Variants in EPM2A observed in about 807,000 individuals in gnomAD.
EPM2A encodes laforin.
Under a neutral mutation model 26.5 loss-of-function variants are expected in EPM2A, and 21 were observed. The ratio of observed to expected loss-of-function variants is 0.79; its 90% CI spans 0.56 to 1.14. The LOEUF (loss-of-function observed/expected upper bound fraction) is 1.14, where lower values mean the gene tolerates loss of function less well. Among genes scored for constraint, EPM2A ranks in the 50% most tolerant of loss-of-function variants. The probability of loss-of-function intolerance (pLI) is 0.00; values close to 1 mark genes in which losing one functional copy is unlikely to be tolerated. For synonymous variants in EPM2A, 217 were observed against 177.6 expected (o/e 1.22, Z -1.76); for missense variants, 458 against 440.8 (o/e 1.04, Z -0.35).
intron 4 of EPM2A, among the ~76,000 whole-genome samples, chr6:145,458,484 A>C (rs1015139217): frequency 4.6e-5 from 7 of 152,148 alleles, no homozygotes; most frequent in African/African-American, 1.7e-4. Context: ...TGATGAATTT[A>C]TCTCTCGAGG....
At chr6:145,615,515 G>T (rs748070555) in intron 2 of EPM2A, among the ~76,000 whole-genome samples, 2 of 152,010 alleles carry the variant, frequency 1.3e-5, no homozygotes, top group Non-Finnish European at 2.9e-5. Flanking sequence ...CGGTAGAGTG[G>T]GGTGCTGCTG....
At chr6:145,444,485 C>T (rs1434204946) in intron 4 of EPM2A, among the ~76,000 whole-genome samples, 2 of 152,166 alleles carry the variant, frequency 1.3e-5, no homozygotes, top group African/African-American at 4.8e-5. Context: ...ACTCAGTTTG[C>T]TAATATTTTG....
chr6:145,498,646 A>G (rs910971446), downstream of EPM2A, among the ~76,000 whole-genome samples: 1 of 152,140 alleles, frequency 6.6e-6, no homozygotes, highest in African/African-American at 2.4e-5. Flanking sequence ...TCACGCCTGC[A>G]TGGGCTGTCA....
chr6:145,522,164 G>C (rs1259141129), intron 2 of EPM2A, among the ~76,000 whole-genome samples: 1 of 152,092 alleles, frequency 6.6e-6, no homozygotes. Context: ...ATGTTAGCCA[G>C]GATGGTCTCG....
intron 4 of EPM2A, among the ~76,000 whole-genome samples, chr6:145,388,817 T>A (rs1218556114): frequency 6.6e-6 from 1 of 152,168 alleles, no homozygotes; most frequent in African/African-American, 2.4e-5. Context: ...TCCAGCTTCA[T>A]CCATGTCCCT....
chr6:145,431,898 A>T (rs1460702753), intron 4 of EPM2A, among the ~76,000 whole-genome samples: 2 of 152,184 alleles, frequency 1.3e-5, no homozygotes, highest in Non-Finnish European at 2.9e-5. Flanking sequence ...TGCCTAATCA[A>T]CTAAGATTAT....
intron 1 of EPM2A, among the ~76,000 whole-genome samples, chr6:145,691,333 T>C (rs1781267975): frequency 6.6e-6 from 1 of 152,116 alleles, no homozygotes; most frequent in African/African-American, 2.4e-5. Context: ...AAAGGAAGTG[T>C]CATTTTTCAA....
At chr6:145,613,025 T>C (rs1775426456) in intron 2 of EPM2A, among the ~76,000 whole-genome samples, 1 of 152,132 alleles carries the variant, frequency 6.6e-6, no homozygotes, top group South Asian at 2.1e-4. Flanking sequence ...CTTTGTAGCA[T>C]GTGATGCTGT....
At chr6:145,696,692 GA>G (rs1467932914) in intron 1 of EPM2A, among the ~76,000 whole-genome samples, 1 of 151,812 alleles carries the variant, frequency 6.6e-6, no homozygotes, top group Non-Finnish European at 1.5e-5. Flanking sequence ...AAGGAAGTTA[GA>G]ATTTGGAGGA....
chr6:145,712,832 T>C (rs1225003046), intron 1 of EPM2A, among the ~76,000 whole-genome samples: 2 of 152,204 alleles, frequency 1.3e-5, no homozygotes, highest in South Asian at 2.1e-4. Context: ...CACCTTACTG[T>C]CCTGATTTGG....
chr6:145,675,641 CA>C (rs1416888152), intron 2 of EPM2A, among the ~76,000 whole-genome samples: 3 of 152,218 alleles, frequency 2.0e-5, no homozygotes, highest in Non-Finnish European at 2.9e-5. Context: ...CAATCCTAGT[CA>C]CCAATAAAAC....
intron 2 of EPM2A, among the ~76,000 whole-genome samples, chr6:145,564,727 C>T (rs1766859798): frequency 7.3e-6 from 1 of 136,784 alleles, no homozygotes; most frequent in Non-Finnish European, 1.5e-5. Context: ...AACTCACATG[C>T]AGATATGTAT....
At chr6:145,457,551 C>T (rs1291045924) in intron 4 of EPM2A, among the ~76,000 whole-genome samples, 2 of 151,732 alleles carry the variant, frequency 1.3e-5, no homozygotes, top group East Asian at 3.9e-4. Context: ...TGAAAAACTG[C>T]TACCAGTGCA....
intron 1 of EPM2A, among the ~76,000 whole-genome samples, chr6:145,726,384 A>G (rs763572153): frequency 1.3e-5 from 2 of 152,150 alleles, no homozygotes; most frequent in South Asian, 4.1e-4. Flanking sequence ...ATTCCAGAAA[A>G]TTAATGTAGA....
Position 145,462,418 on chromosome 6 carries a change from A to T in EPM2A, c.555+40104T>A, listed in dbSNP as rs1779337996. 2.6e-5 allele frequency among the ~76,000 whole-genome samples: 4 copies of T among 152,344 alleles called. No individual in the cohort carries two copies. In the South Asian group the frequency reaches 8.3e-4, roughly 32 times the overall value. On this transcript the variant is annotated intron_variant, in intron 4 of 4. Transcript: ENST00000638717. The stretch of plus-strand genomic sequence containing the variant: ...AATACATTGTATACAAATTTATTAC[A>T]TAAGTATATTTTTCCACAGGGAATA...
intron 2 of EPM2A, among the ~76,000 whole-genome samples, chr6:145,643,814 T>C (rs2128571155): frequency 6.6e-6 from 1 of 151,222 alleles, no homozygotes; most frequent in Middle Eastern, 3.4e-3. Flanking sequence ...TTCCATTAAA[T>C]ACTTTGAGCA....
intron 2 of EPM2A, among the ~76,000 whole-genome samples, chr6:145,680,834 T>C (rs1780471810): frequency 6.6e-6 from 1 of 152,152 alleles, no homozygotes; most frequent in Non-Finnish European, 1.5e-5. Flanking sequence ...CTATTGTGAA[T>C]AGTGCCGCTA....
chr6:145,532,095 A>T (rs1780365037), intron 2 of EPM2A, among the ~76,000 whole-genome samples: 1 of 152,146 alleles, frequency 6.6e-6, no homozygotes, highest in Non-Finnish European at 1.5e-5. Flanking sequence ...TATACTCATG[A>T]TTGTCTTATG....
At chr6:145,652,906 G>GT (rs551189453) in intron 2 of EPM2A, among the ~76,000 whole-genome samples, 23 of 152,126 alleles carry the variant, frequency 1.5e-4, no homozygotes, top group African/African-American at 5.5e-4. Context: ...CTACCTCTTT[G>GT]CATGTTAATT....
Sources: allele counts gnomAD v4.1 joint callset (sites outside exome capture counted in the v4.1 genomes callset), GRCh38; gene constraint gnomAD v4.1.1; transcripts MANE v1.5; gene names NCBI Gene and HGNC (gene_info 2026-07-23, HGNC 2026-07-21).